The following FHOD3 variants were observed in gnomAD, a reference collection of about 807,000 sequenced individuals.
FHOD3 encodes formin homology 2 domain containing 3.
A neutral mutation model predicts 173.0 loss-of-function variants in FHOD3; 90 were observed. The observed-to-expected ratio is 0.52, with a 90% CI of 0.44 to 0.62. FHOD3 has a LOEUF of 0.62. FHOD3 is among the 20% of genes least tolerant of loss of function. FHOD3 has a pLI of 0.00. For synonymous variants in FHOD3, 828 were observed against 823.0 expected, an observed-to-expected ratio of 1.01 and a Z score of -0.10; for missense variants, 1,945 against 2,034.7, an observed-to-expected ratio of 0.96 and a Z score of 0.85.
chr18:36,531,826 C>G (rs1042197621), intron 5 of FHOD3, among the ~76,000 whole-genome samples: 101 of 152,334 alleles, frequency 6.6e-4, no homozygotes, highest in African/African-American at 2.4e-3. Flanking sequence ...ATGCTTGACA[C>G]CAGAGCAGTT....
At chr18:36,576,401 A>T in intron 5 of FHOD3, 50 bp from the exon 6 acceptor site, 2 of 1,345,446 alleles carry the variant, frequency 1.5e-6, no homozygotes, top group Non-Finnish European at 2.1e-6. Flanking sequence ...ACTGAAGATT[A>T]TATTTCTATA....
At chr18:36,322,080 C>A (rs1278325468) in intron 1 of FHOD3, among the ~76,000 whole-genome samples, 1 of 152,092 alleles carries the variant, frequency 6.6e-6, no homozygotes, top group Non-Finnish European at 1.5e-5. Context: ...CTCTCACCAC[C>A]CTCTCTGGCT....
At chr18:36,566,386 G>C (rs73429667) in intron 5 of FHOD3, among the ~76,000 whole-genome samples, 2,304 of 152,266 alleles carry the variant, frequency 0.015, 61 homozygotes, top group African/African-American at 0.052. Flanking sequence ...AAGGACTTCT[G>C]TTAAATGTAA....
chr18:36,514,951 G>A (rs576840209), intron 5 of FHOD3, among the ~76,000 whole-genome samples: 2 of 152,342 alleles, frequency 1.3e-5, no homozygotes, highest in South Asian at 4.1e-4. Flanking sequence ...TTGAGGTTAT[G>A]AGTCCCAGCT....
At chr18:36,403,911 G>A (rs1229514802) in intron 3 of FHOD3, among the ~76,000 whole-genome samples, 2 of 152,218 alleles carry the variant, frequency 1.3e-5, no homozygotes, top group African/African-American at 4.8e-5. Flanking sequence ...GAACCACTGA[G>A]CTAAGGCAAG....
chr18:36,674,886 A>G (rs184219881), intron 14 of FHOD3, among the ~76,000 whole-genome samples: 114 of 152,322 alleles, frequency 7.5e-4, no homozygotes, highest in African/African-American at 2.4e-3. Flanking sequence ...AGAATACTCT[A>G]TGATGCACAC....
chr18:36,529,125 G>C (rs2056664843), intron 5 of FHOD3, among the ~76,000 whole-genome samples: 1 of 152,214 alleles, frequency 6.6e-6, no homozygotes, highest in Non-Finnish European at 1.5e-5. Flanking sequence ...ACTGGTTGTG[G>C]ATATTGCCTC....
chr18:36,373,273 G>A (rs2047279686), intron 3 of FHOD3, among the ~76,000 whole-genome samples: 1 of 152,126 alleles, frequency 6.6e-6, no homozygotes, highest in African/African-American at 2.4e-5. Context: ...GGGCCAAGTT[G>A]CGGCAAGAAT....
At chr18:36,665,582 G>A (rs11659882) in intron 14 of FHOD3, among the ~76,000 whole-genome samples, 3 of 151,390 alleles carry the variant, frequency 2.0e-5, no homozygotes, top group Admixed American at 6.6e-5. Flanking sequence ...TTGGCCTGGT[G>A]GGGGGGCAGG....
At chr18:36,397,807 C>G (rs925162645) in intron 3 of FHOD3, among the ~76,000 whole-genome samples, 1 of 152,094 alleles carries the variant, frequency 6.6e-6, no homozygotes, top group Non-Finnish European at 1.5e-5. Flanking sequence ...TATGGTTGTT[C>G]CAGGGGGATC....
intron 14 of FHOD3, among the ~76,000 whole-genome samples, chr18:36,662,167 C>T (rs2036854316): frequency 6.6e-6 from 1 of 152,238 alleles, no homozygotes; most frequent in African/African-American, 2.4e-5. Flanking sequence ...GGCCCATCCT[C>T]TTCCCTTCCC....
At position 36,611,944 on chromosome 18, in the gene FHOD3, T is replaced by C; in HGVS notation, c.814-8T>C. The C allele has an allele frequency of 6.2e-7, 1 of 1,612,306 alleles. No individual in the cohort carries two copies. The highest frequency in any genetic ancestry group is 1.1e-5 in the South Asian group (1 of 90,690). ...GTGTCTCTGTAGCTGGTTCTTCTCT[T>C]CTTCCAGACGTTATCAGGACTACCA... On this transcript the variant is annotated splice_polypyrimidine_tract_variant and splice_region_variant and intron_variant, in intron 8 of 28. Transcript: ENST00000590592.
At chr18:36,758,406 CTT>C (rs2042723761) in intron 25 of FHOD3, among the ~76,000 whole-genome samples, 2 of 152,216 alleles carry the variant, frequency 1.3e-5, no homozygotes, top group Admixed American at 6.5e-5. Flanking sequence ...TTTAAAGTAA[CTT>C]AAAGCAGTTT....
At chr18:36,602,365 G>C (rs2031506005) in intron 7 of FHOD3, among the ~76,000 whole-genome samples, 1 of 152,154 alleles carries the variant, frequency 6.6e-6, no homozygotes, top group African/African-American at 2.4e-5. Flanking sequence ...GAGTTGCAAT[G>C]ATTGGATTTT....
At chr18:36,583,161 A>G (rs528414947) in intron 6 of FHOD3, among the ~76,000 whole-genome samples, 26 of 152,310 alleles carry the variant, frequency 1.7e-4, no homozygotes, top group African/African-American at 5.8e-4. Context: ...CAGTCAAGGC[A>G]TTTTAGGGTC....
intron 17 of FHOD3, among the ~76,000 whole-genome samples, chr18:36,707,234 C>G (rs758413405): frequency 6.6e-6 from 1 of 152,160 alleles, no homozygotes; most frequent in African/African-American, 2.4e-5. Flanking sequence ...TAAAGCCTTC[C>G]CCTCTTGGGA....
intron 6 of FHOD3, among the ~76,000 whole-genome samples, chr18:36,580,293 A>G (rs575870652): frequency 9.5e-4 from 144 of 152,306 alleles, no homozygotes; most frequent in African/African-American, 3.2e-3. Context: ...TTGGGCCGTC[A>G]GCACTGGATC....
chr18:36,702,379 G>C (rs7239199), intron 17 of FHOD3, among the ~76,000 whole-genome samples: 80,014 of 152,102 alleles, frequency 0.53, 21,261 homozygotes, highest in South Asian at 0.56. Context: ...AACAACCTAG[G>C]AAGAACTGGT....
intron 11 of FHOD3, among the ~76,000 whole-genome samples, chr18:36,650,623 C>T (rs1158711692): frequency 1.3e-5 from 2 of 152,218 alleles, no homozygotes; most frequent in Non-Finnish European, 2.9e-5. Context: ...ATCCCACCTT[C>T]AGTTGAAAAT....
Sources: gnomAD v4.1 joint callset for allele counts (sites outside exome capture counted in the v4.1 genomes callset) on GRCh38, gnomAD v4.1.1 for gene constraint, MANE v1.5 for transcripts, NCBI Gene and HGNC (gene_info 2026-07-23, HGNC 2026-07-21) for gene names.